The following H3C6 variants were observed in gnomAD, a reference collection of about 807,000 sequenced individuals.
H3C6 encodes the protein H3 clustered histone 6.
Under a neutral mutation model 8.0 loss-of-function variants are expected in H3C6, and 17 were observed. The ratio of observed to expected loss-of-function variants is 2.13; its 90% confidence interval spans 1.46 to 3.19. H3C6 has a LOEUF of 3.19. Ranked by LOEUF, H3C6 falls within the 30% of genes most tolerant of loss-of-function variation. The pLI is 0.00. For synonymous variants in H3C6, 169 were observed against 78.0 expected (o/e 2.17, Z -6.15); for missense variants, 298 against 193.8 (o/e 1.54, Z -3.19).
At chr6:26,226,426 T>C (rs1181540689), downstream of H3C6, 2 of 152,196 alleles carry the variant, frequency 1.3e-5, no homozygotes, top group East Asian at 1.9e-4. Context: ...AGTTTCGCCC[T>C]TGTTGCCCAG....
chr6:26,225,152 A>G lies in H3C6; in HGVS notation c.-3A>G, dbSNP rs746138750. 4.5e-6 allele frequency: 7 copies of G among 1,541,154 alleles called. No individual in the cohort carries two copies. Among genetic ancestry groups the G allele is most frequent in the South Asian group, 3.8e-5 (3 of 78,964 alleles). On this transcript the variant is annotated 5_prime_UTR_variant, in exon 1 of 1. Transcript: ENST00000614911. ...CCTAACTCATTTACTTTGCAGATGA[A>G]CTATGGCGCGTACTAAGCAGACGGC...
chr6:26,226,361 CTTATTTAT>C (rs70977262), downstream of H3C6: 52,000 of 146,298 alleles, frequency 0.36, 9,560 homozygotes, highest in East Asian at 0.52. Context: ...TTTTTCTTTT[CTTATTTAT>C]TTATTTATTT....
chr6:26,224,288 A>C (rs557300652), upstream of H3C6: 1 of 152,362 alleles, frequency 6.6e-6, no homozygotes, highest in South Asian at 2.1e-4. Flanking sequence ...AACCAAGTTA[A>C]GAAGTCCTGT....
chr6:26,226,361 C>CTTAT (rs70977262), downstream of H3C6: 2,909 of 146,588 alleles, frequency 0.02, 34 homozygotes, highest in Non-Finnish European at 0.028. Flanking sequence ...TTTTTCTTTT[C>CTTAT]TTATTTATTT....
At position 26,225,310 on chromosome 6, in the gene H3C6, C is replaced by T; in HGVS notation, c.156C>T (p.Ile52=). The change falls in exon 1 of 1, where the codon ATC becomes ATT. Residue 52 remains isoleucine (I), a synonymous_variant. Coordinates refer to ENST00000614911, the MANE Select transcript of H3C6 (RefSeq NM_003532.3). The part of the protein sequence containing the change: ...YRPGTVALRE[I]RRYQKSTELL... ...CTGGCACCGTGGCTCTGCGCGAGAT[C>T]CGTCGCTACCAGAAGTCTACCGAGC... 1 of 1,614,224 alleles carries T rather than the reference C, an allele frequency of 6.2e-7. No individual in the cohort carries two copies. Among genetic ancestry groups the T allele is most frequent in the Non-Finnish European group, 8.5e-7 (1 of 1,180,022 alleles).
chr6:26,227,312 C>G (rs895259703), downstream of H3C6: 10 of 152,180 alleles, frequency 6.6e-5, no homozygotes, highest in African/African-American at 2.4e-4. Flanking sequence ...TCTCTTACAG[C>G]TACTGGAATT....
downstream of H3C6, chr6:26,226,518 A>C (rs542543977): frequency 5.9e-5 from 9 of 152,194 alleles, no homozygotes; most frequent in African/African-American, 1.9e-4. Context: ...CAGCCTTCCG[A>C]GTAGCTGGGA....
In H3C6 at chr6:26,225,228, C is replaced by T. The variant is rs544340962; in HGVS notation, c.74C>T (p.Ala25Val). Residue 25 changes from alanine to valine, a missense_variant, in exon 1 of 1, where the codon GCA (alanine) becomes GTA (valine). Transcript: ENST00000614911. ...CCGCGCAAACAGCTGGCCACTAAGG[C>T]AGCTCGCAAGAGCGCTCCGGCCACG... The part of the protein sequence containing the change: ...KAPRKQLATK[A>V]ARKSAPATGG... 23 of 1,611,102 alleles carry T rather than the reference C, an allele frequency of 1.4e-5. No individual in the cohort carries two copies. Among genetic ancestry groups the T allele is most frequent in the Non-Finnish European group, 1.8e-5 (21 of 1,178,350 alleles).
Position 26,225,482 on chromosome 6 carries a change from C to G in H3C6, c.328C>G (p.Leu110Val). The stretch of plus-strand genomic sequence containing the variant: ...GGTGGGGCTTTTCGAGGACACCAAC[C>G]TGTGCGCTATTCATGCCAAACGCGT... Reference protein sequence around the residue: ...YLVGLFEDTNLCAIHAKRVTI... With the variant: ...YLVGLFEDTNVCAIHAKRVTI... Residue 110 changes from leucine to valine, a missense_variant, in exon 1 of 1, where the codon CTG becomes GTG. Transcript: ENST00000614911. 2.5e-6 allele frequency: 4 copies of G among 1,614,250 alleles called. No homozygotes were observed. Among genetic ancestry groups the G allele is most frequent in the Non-Finnish European group, 3.4e-6 (4 of 1,180,036 alleles).
At chr6:26,224,563 G>A (rs2113566109), upstream of H3C6, among the ~76,000 whole-genome samples, 1 of 152,292 alleles carries the variant, frequency 6.6e-6, no homozygotes, top group South Asian at 2.1e-4. Context: ...AGTCAAACCC[G>A]ATATTACAGA....
chr6:26,227,091 T>TA (rs1759588122), downstream of H3C6: 1 of 152,328 alleles, frequency 6.6e-6, no homozygotes, highest in South Asian at 2.1e-4. Context: ...CATGGAAGCC[T>TA]GTCAGACATG....
chr6:26,225,423 TGATGGC>T lies in H3C6; in HGVS notation c.271_276del (p.Met91_Ala92del). 6.2e-7 allele frequency: 1 copy of T among 1,614,238 alleles called. No individual in the cohort carries two copies. Among genetic ancestry groups the T allele is most frequent in the South Asian group, 1.1e-5 (1 of 91,088 alleles). ...GACCTGCGCTTCCAGAGTTCCGCGGTGATGGCGCTGCAGGAGGCCTGCGAGGCCTAC... is the reference window on the plus strand; with the variant it reads ...GACCTGCGCTTCCAGAGTTCCGCGGTGCTGCAGGAGGCCTGCGAGGCCTAC... On this transcript the variant is annotated inframe_deletion, in exon 1 of 1. Coordinates refer to ENST00000614911, the MANE Select transcript of H3C6 (RefSeq NM_003532.3).
downstream of H3C6, chr6:26,226,013 T>C (rs971352392): frequency 6.4e-5 from 10 of 157,322 alleles, no homozygotes; most frequent in Admixed American, 1.3e-4. Flanking sequence ...TATTTGACCT[T>C]GCCCGAGGGG....
Position 26,225,479 on chromosome 6 carries a change from A to G in H3C6, c.325A>G (p.Asn109Asp). The G allele has an allele frequency of 1.9e-6, 3 of 1,614,232 alleles. No individual in the cohort carries two copies. Among genetic ancestry groups the G allele is most frequent in the Non-Finnish European group, 2.5e-6 (3 of 1,180,028 alleles). The part of the protein sequence containing the change: ...AYLVGLFEDT[N>D]LCAIHAKRVT... ...CTTGGTGGGGCTTTTCGAGGACACC[A>G]ACCTGTGCGCTATTCATGCCAAACG... The change falls in exon 1 of 1, where the codon AAC (asparagine) becomes GAC (aspartate). Residue 109 changes from asparagine (N) to aspartate (D), a missense_variant. Transcript: ENST00000614911.
At chr6:26,226,122 T>C (rs1300255000), downstream of H3C6, 1 of 154,122 alleles carries the variant, frequency 6.5e-6, no homozygotes, top group Non-Finnish European at 1.4e-5. Context: ...CGGTCAACGT[T>C]ACTCTCTGTG....
chr6:26,225,494 C>A lies in H3C6; in HGVS notation c.340C>A (p.His114Asn). 4 of 1,614,248 alleles carry A rather than the reference C, an allele frequency of 2.5e-6. No individual in the cohort carries two copies. Among genetic ancestry groups the A allele is most frequent in the Non-Finnish European group, 3.4e-6 (4 of 1,180,046 alleles). ...LFEDTNLCAI[H>N]AKRVTIMPKD... The stretch of plus-strand genomic sequence containing the variant: ...CGAGGACACCAACCTGTGCGCTATT[C>A]ATGCCAAACGCGTGACCATCATGCC... The change falls in exon 1 of 1, where the codon CAT (histidine) becomes AAT (asparagine). Residue 114 changes from histidine (H) to asparagine (N), a missense_variant. His to Asn is a moderately conservative substitution (Grantham distance 68). Transcript: ENST00000614911.
At chr6:26,225,068 G>T, upstream of H3C6, 2 of 1,402,540 alleles carry the variant, frequency 1.4e-6, no homozygotes, top group Non-Finnish European at 1.9e-6. Context: ...CACTAACAGG[G>T]ATCGTCCACA....
In H3C6 at chr6:26,225,545, A is replaced by AT. The variant is rs762747165; in HGVS notation, c.393dup (p.Arg132SerfsTer14). Reference sequence around the variant, plus strand: ...TAAAGACATCCAGCTTGCCCGCCGCATTCGTGGGGAGAGGGCGTGAATTGT... The same window carrying AT: ...TAAAGACATCCAGCTTGCCCGCCGCATTTCGTGGGGAGAGGGCGTGAATTGT... On this transcript the variant is annotated frameshift_variant, in exon 1 of 1. Coordinates refer to ENST00000614911, the MANE Select transcript of H3C6 (RefSeq NM_003532.3). LOFTEE classifies it high-confidence loss of function. 6.2e-7 allele frequency: 1 copy of AT among 1,613,850 alleles called. No homozygotes were observed. Among genetic ancestry groups the AT allele is most frequent in the South Asian group, 1.1e-5 (1 of 91,062 alleles).
At chr6:26,225,134 C>T (rs368970094), upstream of H3C6, 34 of 1,530,808 alleles carry the variant, frequency 2.2e-5, no homozygotes, top group Admixed American at 4.4e-5. Context: ...CTTCCTAACT[C>T]ATTTACTTTG....
Sources: allele counts gnomAD v4.1 joint callset (sites outside exome capture counted in the v4.1 genomes callset), GRCh38; gene constraint gnomAD v4.1.1; transcripts MANE v1.5; gene names NCBI Gene and HGNC (gene_info 2026-07-23, HGNC 2026-07-21).